Variants in RCOR1 observed in about 807,000 individuals in gnomAD.
RCOR1 encodes the protein REST corepressor 1.
RCOR1 carries 12 observed loss-of-function variants against 64.0 expected under a neutral mutation model. The ratio of observed to expected loss-of-function variants is 0.19; its 90% CI spans 0.12 to 0.30. The LOEUF is 0.30. Ranked by LOEUF, RCOR1 falls within the 10% of genes least tolerant of loss-of-function variation. The pLI, the probability that RCOR1 is intolerant of heterozygous loss-of-function variation, is 1.00. For synonymous variants in RCOR1, 279 were observed against 227.2 expected (o/e 1.23, Z -2.05); for missense variants, 502 against 621.2 (o/e 0.81, Z 2.04).
intron 2 of RCOR1, among the ~76,000 whole-genome samples, chr14:102,637,133 T>A (rs986853478): frequency 2.8e-5 from 4 of 142,720 alleles, no homozygotes; most frequent in African/African-American, 8.5e-5. Flanking sequence ...GTTTTTTTAT[T>A]TTTTTTTTTT....
At chr14:102,677,559 G>C (rs1895209580) in intron 2 of RCOR1, among the ~76,000 whole-genome samples, 1 of 128,410 alleles carries the variant, frequency 7.8e-6, no homozygotes, top group Non-Finnish European at 1.7e-5. Context: ...TCACATCCCA[G>C]ACAGGGCGGC....
intron 2 of RCOR1, among the ~76,000 whole-genome samples, chr14:102,594,878 C>T (rs1405095964): frequency 6.6e-6 from 1 of 152,086 alleles, no homozygotes; most frequent in East Asian, 1.9e-4. Flanking sequence ...ACCAAATTTT[C>T]CTAATGTATT....
chr14:102,631,757 C>T (rs1894116263), intron 2 of RCOR1, among the ~76,000 whole-genome samples: 1 of 152,074 alleles, frequency 6.6e-6, no homozygotes, highest in Non-Finnish European at 1.5e-5. Context: ...AAGCAGAACC[C>T]ATCAACTCTT....
At chr14:102,625,807 T>C (rs1433294276) in intron 2 of RCOR1, among the ~76,000 whole-genome samples, 1 of 152,184 alleles carries the variant, frequency 6.6e-6, no homozygotes, top group Non-Finnish European at 1.5e-5. Flanking sequence ...CGTAGTCTAG[T>C]ATAATTTCTG....
intron 2 of RCOR1, among the ~76,000 whole-genome samples, chr14:102,594,373 A>G (rs745399608): frequency 6.6e-5 from 10 of 152,148 alleles, no homozygotes; most frequent in Non-Finnish European, 1.0e-4. Flanking sequence ...AAACGCATAC[A>G]TGTTTTTTCC....
At chr14:102,720,810 T>G (rs1300904471) in intron 8 of RCOR1, 197 bp from the exon 9 acceptor site, 1 of 438,076 alleles carries the variant, frequency 2.3e-6, no homozygotes, top group South Asian at 4.3e-5. Context: ...TTGTACCTTA[T>G]CTGTTGCTCT....
At chr14:102,706,142 A>AAAAAAAAAAAAAAAAAAAAAAAAC (rs1281591870) in intron 4 of RCOR1, among the ~76,000 whole-genome samples, 2 of 138,640 alleles carry the variant, frequency 1.4e-5, no homozygotes, top group African/African-American at 5.4e-5. Context: ...AAAAAAAAAA[A>AAAAAAAAAAAAAAAAAAAAAAAAC]CCTAAAAAAA....
At chr14:102,665,857 G>A (rs920195203) in intron 2 of RCOR1, among the ~76,000 whole-genome samples, 2 of 152,208 alleles carry the variant, frequency 1.3e-5, no homozygotes, top group Non-Finnish European at 2.9e-5. Context: ...CTGGCACGTA[G>A]TAATAGTTAA....
chr14:102,688,671 G>A (rs1043110660), intron 3 of RCOR1, among the ~76,000 whole-genome samples: 2 of 152,158 alleles, frequency 1.3e-5, no homozygotes, highest in African/African-American at 4.8e-5. Flanking sequence ...TTAGTGACTG[G>A]TTCAGGCAGC....
intron 3 of RCOR1, among the ~76,000 whole-genome samples, chr14:102,695,211 G>T (rs1425822789): frequency 2.0e-5 from 3 of 152,174 alleles, no homozygotes; most frequent in Non-Finnish European, 4.4e-5. Context: ...TTGAAGTTTA[G>T]CGTCCATCTG....
At chr14:102,660,145 A>G (rs978374942) in intron 2 of RCOR1, among the ~76,000 whole-genome samples, 28 of 152,164 alleles carry the variant, frequency 1.8e-4, no homozygotes, top group African/African-American at 6.8e-4. Context: ...TTTTGTAGGT[A>G]CACACCTAGA....
In RCOR1 at chr14:102,701,335, T is replaced by C. The variant is rs1895754550; in HGVS notation, c.498+5T>C. On this transcript the variant is annotated splice_donor_5th_base_variant and intron_variant, in intron 4 of 11. Transcript: ENST00000262241. ...CATGGGTACAACATGGAACAGGTAA[T>C]ATCATGGTTTTCTTTCTTTTGCTGT... The C allele has an allele frequency of 3.2e-6, 5 of 1,572,908 alleles. No homozygotes were observed. Among genetic ancestry groups the C allele is most frequent in the Non-Finnish European group, 3.4e-6 (4 of 1,164,698 alleles).
intron 2 of RCOR1, among the ~76,000 whole-genome samples, chr14:102,601,793 C>T (rs1307900661): frequency 1.3e-5 from 2 of 152,154 alleles, no homozygotes. Context: ...CTGGGGCTGT[C>T]AGTTAACTAC....
intron 2 of RCOR1, among the ~76,000 whole-genome samples, chr14:102,663,439 C>T (rs1894863096): frequency 6.6e-6 from 1 of 152,164 alleles, no homozygotes. Context: ...CTAATTCAAC[C>T]TTTTGTAAGG....
chr14:102,620,221 G>A (rs571721005), intron 2 of RCOR1, among the ~76,000 whole-genome samples: 33 of 149,984 alleles, frequency 2.2e-4, no homozygotes, highest in African/African-American at 6.9e-4. Flanking sequence ...GAGACACCCC[G>A]TCACCACACA....
chr14:102,611,856 G>A (rs553401016), intron 2 of RCOR1, among the ~76,000 whole-genome samples: 1 of 152,140 alleles, frequency 6.6e-6, no homozygotes, highest in Non-Finnish European at 1.5e-5. Context: ...TTTAGAGAAG[G>A]TGTCTTGCTC....
At chr14:102,668,894 C>T (rs1486411402) in intron 2 of RCOR1, among the ~76,000 whole-genome samples, 15 of 152,106 alleles carry the variant, frequency 9.9e-5, no homozygotes, top group East Asian at 3.9e-4. Context: ...GACTTTATAG[C>T]GTGCCTATGT....
intron 4 of RCOR1, among the ~76,000 whole-genome samples, chr14:102,706,001 G>A (rs1895845158): frequency 1.3e-5 from 2 of 150,158 alleles, no homozygotes; most frequent in Admixed American, 1.3e-4. Context: ...AGTCCCAGCT[G>A]CTCAGGAGGC....
rs72702761 is a variant in RCOR1, at chr14:102,680,972, C to T, written c.362-923C>T. 5.1e-3 allele frequency among the ~76,000 whole-genome samples: 776 copies of T among 152,288 alleles called. 6 individuals are homozygous for T. Among genetic ancestry groups the T allele is most frequent in the Middle Eastern group, 0.014 (4 of 294 alleles). On this transcript the variant is annotated intron_variant, in intron 2 of 11. Coordinates refer to ENST00000262241, the MANE Select transcript of RCOR1 (RefSeq NM_015156.4). The stretch of plus-strand genomic sequence containing the variant: ...ATTCTGTTACGGTTCTTTAAAGTAA[C>T]TGCCTCTCAGATTTTACTAAAAATG...
Sources: allele counts gnomAD v4.1 joint callset (sites outside exome capture counted in the v4.1 genomes callset), GRCh38; gene constraint gnomAD v4.1.1; transcripts MANE v1.5; gene names NCBI Gene and HGNC (gene_info 2026-07-23, HGNC 2026-07-21).